The following KIF1B variants were observed in gnomAD, a reference collection of about 807,000 sequenced individuals.
KIF1B encodes the protein kinesin family member 1B, also known as kinesin-like protein KIF1B.
In KIF1B, 76 loss-of-function variants were observed where a neutral mutation model predicts 241.9. That is an observed-to-expected ratio of 0.31 (90% CI 0.26 to 0.38). The LOEUF (loss-of-function observed/expected upper bound fraction) is 0.38. Ranked by LOEUF, KIF1B falls within the 10% of genes least tolerant of loss-of-function variation. The probability of loss-of-function intolerance (pLI) is 1.00; values close to 1 mark genes in which losing one functional copy is unlikely to be tolerated. For synonymous variants in KIF1B, 750 were observed against 796.7 expected, an observed-to-expected ratio of 0.94 and a Z score of 0.99; for missense variants, 1,622 against 2,271.4, an observed-to-expected ratio of 0.71 and a Z score of 5.81.
chr1:10,337,055 G>T lies in KIF1B; in HGVS notation c.3130-19G>T. ...TTTTATACTACTTTACCATGTATCT[G>T]CCCCTGCCTTTTTTTCAGAGTGACT... On this transcript the variant is annotated intron_variant, in intron 29 of 48. Coordinates refer to ENST00000676179, the MANE Select transcript of KIF1B (RefSeq NM_001365951.3). This position sits in a 1 kb window ranked among gnomAD's most constrained non-coding sequence, Gnocchi z 4.0. 6.2e-7 allele frequency: 1 copy of T among 1,614,012 alleles called. No individual in the cohort carries two copies. The highest frequency in any genetic ancestry group is 1.7e-5 in the Admixed American group (1 of 60,028).
At chr1:10,329,090 G>T (rs1003414645) in intron 27 of KIF1B, among the ~76,000 whole-genome samples, 16 of 152,130 alleles carry the variant, frequency 1.1e-4, no homozygotes, top group Admixed American at 2.6e-4. Context: ...TGTAAGTATA[G>T]GTATAAAGCA....
chr1:10,379,934 T>A lies in KIF1B; in HGVS notation c.*3347T>A, dbSNP rs2102370281. On this transcript the variant is annotated 3_prime_UTR_variant, in exon 49 of 49. Coordinates refer to ENST00000676179, the MANE Select transcript of KIF1B (RefSeq NM_001365951.3). Reference sequence around the variant, plus strand: ...GGGCACCTGAGCCCCAGCTCGTTGTTAAACGTGCTGACGGCAAGGGGCAAT... The same window carrying A: ...GGGCACCTGAGCCCCAGCTCGTTGTAAAACGTGCTGACGGCAAGGGGCAAT... 1 of 229,682 alleles carries A rather than the reference T, an allele frequency of 4.4e-6. No individual in the cohort carries two copies. Among genetic ancestry groups the A allele is most frequent in the South Asian group, 1.8e-4 (1 of 5,508 alleles). The allele number at this position is 229,682 out of a possible 1,614,324, so 14.2% of individuals were successfully genotyped here. A position where few individuals can be genotyped will look rare whatever the true frequency, so the allele number is the denominator to read the frequency against.
intron 1 of KIF1B, among the ~76,000 whole-genome samples, chr1:10,231,375 GC>G (rs1463434026): frequency 7.7e-6 from 1 of 130,144 alleles, no homozygotes; most frequent in Non-Finnish European, 1.6e-5. Flanking sequence ...AGAGTTCAGT[GC>G]CCTTTTTTTT....
At chr1:10,221,387 T>C (rs61775885) in intron 1 of KIF1B, among the ~76,000 whole-genome samples, 48,868 of 152,076 alleles carry the variant, frequency 0.32, 8,109 homozygotes, top group Admixed American at 0.37. Context: ...CATGAGCTAT[T>C]GCGCCCGGCC....
intron 1 of KIF1B, among the ~76,000 whole-genome samples, chr1:10,221,171 C>T (rs1194182988): frequency 1.5e-5 from 2 of 136,602 alleles, no homozygotes; most frequent in African/African-American, 5.6e-5. Flanking sequence ...GATCTTGGCT[C>T]ACTGCAACCT....
chr1:10,314,997 T>C (rs557043307), intron 22 of KIF1B, among the ~76,000 whole-genome samples: 4 of 150,806 alleles, frequency 2.7e-5, no homozygotes, highest in African/African-American at 9.9e-5. Flanking sequence ...GTATAGTTTT[T>C]CCCCGACTCC....
At chr1:10,356,864 C>T in intron 38 of KIF1B, among the ~76,000 whole-genome samples, 1 of 151,870 alleles carries the variant, frequency 6.6e-6, no homozygotes, top group East Asian at 1.9e-4. Flanking sequence ...CGTGCCACTA[C>T]ACTCCAGCCT....
At chr1:10,239,564 T>C (rs1647104634) in intron 2 of KIF1B, among the ~76,000 whole-genome samples, 1 of 152,054 alleles carries the variant, frequency 6.6e-6, no homozygotes. Flanking sequence ...ACAAATGTGT[T>C]CCTAGATATT....
chr1:10,223,880 AT>A (rs1646877967), intron 1 of KIF1B, among the ~76,000 whole-genome samples: 1 of 152,130 alleles, frequency 6.6e-6, no homozygotes, highest in Admixed American at 6.6e-5. Context: ...ATCAGAAAAA[AT>A]ATTTAGGTTT....
intron 22 of KIF1B, chr1:10,305,567 T>C: frequency 9.4e-7 from 1 of 1,058,398 alleles, no homozygotes; most frequent in Non-Finnish European, 1.1e-6. Context: ...GTGGTGCTGC[T>C]TTTTTCCAAT....
Position 10,311,837 on chromosome 1 carries a change from A to G in KIF1B, c.2116-8206A>G, listed in dbSNP as rs912911318. Among the ~76,000 whole-genome samples the G allele has an allele frequency of 2.6e-5, 4 of 151,608 alleles. 1 individual carries two copies. In the South Asian group the frequency reaches 6.2e-4, roughly 24 times the overall value. On this transcript the variant is annotated intron_variant, in intron 22 of 48. Coordinates refer to ENST00000676179, the MANE Select transcript of KIF1B (RefSeq NM_001365951.3). ...CCTTCCATTTTTGTACTGATGATGA[A>G]GATAATGATAACTCATATATTGAGC...
intron 44 of KIF1B, 87 bp downstream of exon 44, chr1:10,368,625 T>G: frequency 8.7e-7 from 1 of 1,152,946 alleles, no homozygotes; most frequent in South Asian, 1.2e-5. Flanking sequence ...TGGTTTTTGC[T>G]GCTTTTAAGC....
In KIF1B at chr1:10,326,460, A is replaced by G; in HGVS notation, c.2924+101A>G. 1.4e-6 allele frequency: 2 copies of G among 1,416,174 alleles called. No individual in the cohort carries two copies. The highest frequency in any genetic ancestry group is 2.0e-6 in the Non-Finnish European group (2 of 1,009,166). 87.7% of individuals were successfully genotyped at this position (1,416,174 alleles called of 1,614,324 possible). ...GGATAACCTTGCATTAGCCAATTCA[A>G]CTCATGAATGCTCTTTTTCAAGTTC... On this transcript the variant is annotated intron_variant, in intron 27 of 48. Coordinates refer to ENST00000676179, the MANE Select transcript of KIF1B (RefSeq NM_001365951.3). The surrounding 1 kb of genome is among the most constrained non-coding windows in gnomAD (Gnocchi z 5.2).
Position 10,360,968 on chromosome 1 carries a change from G to C in KIF1B, c.4095G>C (p.Leu1365=). Residue 1365 remains leucine (L), a synonymous_variant, in exon 39 of 49, where the codon CTG becomes CTC. Transcript: ENST00000676179. ...YRFEAVWDSS[L]HNSLLLNRVT... is the part of the protein sequence containing the mutation. Reference sequence around the variant, plus strand: ...TTGAGGCTGTGTGGGATAGCTCTCTGCATAACTCCCTTCTTCTGAACCGAG... The same window carrying C: ...TTGAGGCTGTGTGGGATAGCTCTCTCCATAACTCCCTTCTTCTGAACCGAG... 6.2e-7 allele frequency: 1 copy of C among 1,614,060 alleles called. No individual in the cohort carries two copies. The highest frequency in any genetic ancestry group is 8.5e-7 in the Non-Finnish European group (1 of 1,179,956).
chr1:10,284,511 C>T (rs1649591985), intron 15 of KIF1B, among the ~76,000 whole-genome samples: 1 of 152,030 alleles, frequency 6.6e-6, no homozygotes, highest in Non-Finnish European at 1.5e-5. Context: ...CATGGTGAAA[C>T]CCCATCTCAA....
intron 1 of KIF1B, among the ~76,000 whole-genome samples, chr1:10,225,575 G>C (rs544597800): frequency 3.3e-5 from 5 of 152,304 alleles, no homozygotes; most frequent in African/African-American, 1.2e-4. Context: ...GGGGTGGAGA[G>C]AATCCATCAA....
intron 45 of KIF1B, 132 bp downstream of exon 45, chr1:10,371,394 CTTTTT>C: frequency 1.9e-6 from 2 of 1,075,610 alleles, no homozygotes; most frequent in Non-Finnish European, 2.8e-6. Context: ...GTGTGGGAGC[CTTTTT>C]GGCTATCACA....
At chr1:10,213,521 G>A (rs1646724255) in intron 1 of KIF1B, among the ~76,000 whole-genome samples, 1 of 152,112 alleles carries the variant, frequency 6.6e-6, no homozygotes, top group African/African-American at 2.4e-5. Flanking sequence ...TGGGTACAAA[G>A]TAAAGGACAA....
chr1:10,264,702 C>T (rs956343098), intron 5 of KIF1B, among the ~76,000 whole-genome samples: 1 of 152,056 alleles, frequency 6.6e-6, no homozygotes. Flanking sequence ...CACTCTGTCA[C>T]CCAGGCTGGA....
Sources: allele counts gnomAD v4.1 joint callset (sites outside exome capture counted in the v4.1 genomes callset), GRCh38; gene constraint gnomAD v4.1.1; non-coding constraint Gnocchi (gnomAD v3.1); transcripts MANE v1.5; gene names NCBI Gene and HGNC (gene_info 2026-07-23, HGNC 2026-07-21).